The following ATP2A3 variants were observed in gnomAD, a reference collection of about 807,000 sequenced individuals.
The protein encoded by ATP2A3 is ATPase sarcoplasmic/endoplasmic reticulum Ca2+ transporting 3.
A neutral mutation model predicts 106.8 loss-of-function variants in ATP2A3; 61 were observed. That is an observed-to-expected ratio of 0.57 (90% CI 0.46 to 0.71). ATP2A3 has a LOEUF of 0.71. Ranked by LOEUF, ATP2A3 falls within the 30% of genes least tolerant of loss-of-function variation. The pLI is 0.00. For missense variants in ATP2A3, 1,201 were observed against 1,423.5 expected, an observed-to-expected ratio of 0.84 and a Z score of 2.52; for synonymous variants, 611 against 609.3, an observed-to-expected ratio of 1.00 and a Z score of -0.04.
intron 14 of ATP2A3, among the ~76,000 whole-genome samples, chr17:3,939,717 G>A (rs1567692948): frequency 6.7e-6 from 1 of 149,752 alleles, no homozygotes; most frequent in Non-Finnish European, 1.5e-5. Context: ...AACCTGGGAG[G>A]CGGAGGTTGC....
intron 14 of ATP2A3, among the ~76,000 whole-genome samples, chr17:3,939,705 TG>T (rs1360800259): frequency 7.0e-6 from 1 of 143,626 alleles, no homozygotes; most frequent in African/African-American, 2.6e-5. Context: ...GAGAATCGCT[TG>T]AACCTGGGAG....
intron 1 of ATP2A3, among the ~76,000 whole-genome samples, chr17:3,963,870 G>A (rs1395311417): frequency 2.0e-5 from 3 of 152,120 alleles, no homozygotes; most frequent in Non-Finnish European, 2.9e-5. Context: ...GTCCAGGATG[G>A]GGTGGAATAA....
chr17:3,956,344 C>T (rs1383190311), intron 1 of ATP2A3, among the ~76,000 whole-genome samples: 2 of 152,114 alleles, frequency 1.3e-5, no homozygotes, highest in Non-Finnish European at 2.9e-5. Flanking sequence ...TTCCCGGCCC[C>T]CGTGTGAGTT....
intron 16 of ATP2A3, among the ~76,000 whole-genome samples, chr17:3,935,555 T>TTTTTTTA (rs2053393620): frequency 2.0e-5 from 3 of 149,388 alleles, no homozygotes; most frequent in African/African-American, 7.5e-5. Context: ...TTTTTTTTTT[T>TTTTTTTA]GAGACGGAGT....
At chr17:3,934,902 C>A in intron 17 of ATP2A3, 1 of 423,226 alleles carries the variant, frequency 2.4e-6, no homozygotes, top group East Asian at 4.7e-5. Context: ...TCTGAGGCCT[C>A]AACGTTTTAG....
At chr17:3,942,569 G>A (rs1324181078) in intron 12 of ATP2A3, 37 bp downstream of exon 12, 9 of 1,601,994 alleles carry the variant, frequency 5.6e-6, no homozygotes, top group Non-Finnish European at 7.6e-6. Flanking sequence ...GTTCCCCAGG[G>A]CGCGCAGGGG....
At chr17:3,942,963 C>T (rs150777662) in intron 11 of ATP2A3, among the ~76,000 whole-genome samples, 5 of 152,284 alleles carry the variant, frequency 3.3e-5, no homozygotes, top group East Asian at 3.9e-4. Flanking sequence ...TTTGCCCACA[C>T]GCAGCCTTCT....
chr17:3,937,667 G>A (rs2053528082), intron 14 of ATP2A3, 31 bp from the exon 15 acceptor site: 1 of 1,604,870 alleles, frequency 6.2e-7, no homozygotes, highest in Admixed American at 1.7e-5. Context: ...GGCTGTGCCT[G>A]AGAAACTTCC....
intron 15 of ATP2A3, 32 bp downstream of exon 15, chr17:3,937,384 G>C (rs1407635795): frequency 6.3e-7 from 1 of 1,599,834 alleles, no homozygotes; most frequent in South Asian, 1.1e-5. Flanking sequence ...AGCGGATTGA[G>C]AGGGCTGAGA....
intron 17 of ATP2A3, among the ~76,000 whole-genome samples, chr17:3,933,267 C>A (rs570085549): frequency 6.7e-6 from 1 of 149,654 alleles, no homozygotes. Context: ...GGTGACAGAG[C>A]GAGACTCTGT....
rs1324281455 is a variant in ATP2A3 at position 3,958,789 on chromosome 17, T to TACACACAC, written c.119-5080_119-5079insGTGTGTGT. ...ACATATATATACACACACATATATA[T>TACACACAC]ACACATATATATACACACATATATA... On this transcript the variant is annotated intron_variant, in intron 1 of 20. Coordinates refer to ENST00000397041, the MANE Select transcript of ATP2A3 (RefSeq NM_005173.4). Among the ~76,000 whole-genome samples, 31 of 94,920 alleles carry TACACACAC rather than the reference T, an allele frequency of 3.3e-4. 1 individual carries two copies. Among genetic ancestry groups the TACACACAC allele is most frequent in the Admixed American group, 1.2e-3 (11 of 9,086 alleles). 62.3% of individuals were successfully genotyped at this position (94,920 alleles called of 152,430 possible). A position where few individuals can be genotyped will look rare whatever the true frequency, so the allele number is the denominator to read the frequency against.
At chr17:3,937,271 C>G in intron 15 of ATP2A3, 145 bp downstream of exon 15, 2 of 962,002 alleles carry the variant, frequency 2.1e-6, no homozygotes, top group Non-Finnish European at 3.2e-6. Flanking sequence ...CCTGTCCACT[C>G]CAAGGTGGGA....
chr17:3,930,410 C>T lies in ATP2A3; in HGVS notation c.2635G>A (p.Asp879Asn). The change falls in exon 18 of 21, where the codon GAC (aspartate) becomes AAC (asparagine). Residue 879 changes from aspartate (D) to asparagine (N), a missense_variant. Transcript: ENST00000397041. This position sits in a 1 kb window ranked among gnomAD's most constrained non-coding sequence, Gnocchi z 5.4. ...QLRNFLKCSE[D>N]NPLFAGIDCE... Reference sequence around the variant, plus strand: ...TCGATGCCGGCAAAGAGCGGGTTGTCTTCGGAGCACTTCAGGAAGTTCCTC... The same window carrying T: ...TCGATGCCGGCAAAGAGCGGGTTGTTTTCGGAGCACTTCAGGAAGTTCCTC... 6.2e-7 allele frequency: 1 copy of T among 1,613,986 alleles called. No homozygotes were observed. Among genetic ancestry groups the T allele is most frequent in the South Asian group, 1.1e-5 (1 of 91,070 alleles).
chr17:3,951,208 T>TAAATA (rs750689935), intron 5 of ATP2A3, 43 bp downstream of exon 5: 85 of 1,249,036 alleles, frequency 6.8e-5, no homozygotes, highest in Middle Eastern at 6.1e-4. Context: ...AATAAATAAA[T>TAAATA]AAATAAAATA....
chr17:3,952,744 C>T (rs1370170092), intron 3 of ATP2A3, among the ~76,000 whole-genome samples: 4 of 152,300 alleles, frequency 2.6e-5, no homozygotes, highest in East Asian at 1.9e-4. Context: ...CCTGCACCAC[C>T]GCACTCGGCT....
intron 4 of ATP2A3, 28 bp downstream of exon 4, chr17:3,951,553 G>GGCCCCCCCCC: frequency 3.1e-6 from 2 of 647,366 alleles, no homozygotes; most frequent in Non-Finnish European, 4.3e-6. Context: ...ACCGCCCCCC[G>GGCCCCCCCCC]CCCGGTCCCA....
chr17:3,927,440 G>A, intron 20 of ATP2A3: 2 of 984,560 alleles, frequency 2.0e-6, no homozygotes, highest in Non-Finnish European at 2.4e-6. Context: ...CTGCAGGTGA[G>A]TGAGTGTGGT....
At position 3,930,710 on chromosome 17, in the gene ATP2A3, T is replaced by G; in HGVS notation, c.2611-276A>C. On this transcript the variant is annotated intron_variant, in intron 17 of 20. Transcript: ENST00000397041. This position sits in a 1 kb window ranked among gnomAD's most constrained non-coding sequence, Gnocchi z 5.4. ...GGCTCAGAAGGAGAACAGCTGGCAT[T>G]AGCCTGGGGAGGCTAGCGGGAGCCT... is the stretch of plus-strand genomic sequence containing the variant. 1.8e-6 allele frequency: 1 copy of G among 543,024 alleles called. No homozygotes were observed. The allele number at this position is 543,024 out of a possible 1,614,324, so 33.6% of individuals were successfully genotyped here.
intron 1 of ATP2A3, among the ~76,000 whole-genome samples, chr17:3,957,947 G>C (rs1029855136): frequency 6.6e-6 from 1 of 152,164 alleles, no homozygotes; most frequent in Non-Finnish European, 1.5e-5. Context: ...CCTCCGCCAC[G>C]GTGACCCCTG....
Sources: allele counts gnomAD v4.1 joint callset (sites outside exome capture counted in the v4.1 genomes callset), GRCh38; gene constraint gnomAD v4.1.1; non-coding constraint Gnocchi (gnomAD v3.1); transcripts MANE v1.5; gene names NCBI Gene and HGNC (gene_info 2026-07-23, HGNC 2026-07-21).